The following PIBF1 variants were observed in gnomAD, a reference collection of about 807,000 sequenced individuals.
The protein encoded by PIBF1 is progesterone immunomodulatory binding factor 1.
In PIBF1, 90 loss-of-function variants were observed where a neutral mutation model predicts 112.5. The observed-to-expected ratio is 0.80, with a 90% confidence interval of 0.67 to 0.95. The LOEUF is 0.95. Ranked by LOEUF, PIBF1 falls within the 40% of genes least tolerant of loss-of-function variation. PIBF1 has a pLI of 0.00. For missense variants in PIBF1, 915 were observed against 852.3 expected (o/e 1.07, Z -0.92); for synonymous variants, 301 against 288.6 (o/e 1.04, Z -0.44).
chr13:72,935,066 A>ACCTCTG, intron 14 of PIBF1, among the ~76,000 whole-genome samples: 1 of 151,664 alleles, frequency 6.6e-6, no homozygotes, highest in East Asian at 1.9e-4. Flanking sequence ...GCTCACCACA[A>ACCTCTG]CCTCTGCCTC....
intron 16 of PIBF1, among the ~76,000 whole-genome samples, chr13:72,986,874 G>A (rs996369102): frequency 4.6e-5 from 7 of 151,734 alleles, no homozygotes; most frequent in Admixed American, 2.0e-4. Flanking sequence ...TGTATTTTTA[G>A]TAGAGACAGG....
rs111621676 is a variant in PIBF1 at position 72,842,110 on chromosome 13, T to C, written c.1223+6742T>C. ...GACGTAGAGGGTCTACATGCCATTC[T>C]TTTCTGTCTAAATTTCTGCATAAGA... On this transcript the variant is annotated intron_variant, in intron 9 of 17. Transcript: ENST00000326291. Among the ~76,000 whole-genome samples the C allele has an allele frequency of 7.2e-3, 1,093 of 152,368 alleles. 23 individuals carry two copies. Among genetic ancestry groups the C allele is most frequent in the African/African-American group, 0.025 (1,027 of 41,592 alleles).
intron 6 of PIBF1, among the ~76,000 whole-genome samples, chr13:72,826,783 G>A (rs148933379): frequency 8.5e-4 from 130 of 152,244 alleles, no homozygotes; most frequent in African/African-American, 3.0e-3. Flanking sequence ...TATGTAGTTT[G>A]TATATTCCTT....
At chr13:72,923,865 G>A (rs2041384939) in intron 13 of PIBF1, among the ~76,000 whole-genome samples, 1 of 152,190 alleles carries the variant, frequency 6.6e-6, no homozygotes, top group Non-Finnish European at 1.5e-5. Context: ...TCCAGAGACT[G>A]AGGCAGGAGA....
At chr13:72,835,058 A>G (rs1412022398) in intron 8 of PIBF1, among the ~76,000 whole-genome samples, 185 bp from the exon 9 acceptor site, 3 of 152,174 alleles carry the variant, frequency 2.0e-5, no homozygotes, top group Non-Finnish European at 4.4e-5. Flanking sequence ...TTGAAATCTT[A>G]GATCATACTA....
intron 13 of PIBF1, among the ~76,000 whole-genome samples, chr13:72,930,267 A>G (rs1329384166): frequency 6.6e-6 from 1 of 152,192 alleles, no homozygotes; most frequent in Non-Finnish European, 1.5e-5. Context: ...AAGCACAGTT[A>G]TCTTACTTTT....
At chr13:72,810,224 A>T (rs577918097) in intron 5 of PIBF1, among the ~76,000 whole-genome samples, 1 of 152,144 alleles carries the variant, frequency 6.6e-6, no homozygotes, top group Non-Finnish European at 1.5e-5. Flanking sequence ...ATTTTGGTTG[A>T]TCACATGCAA....
chr13:72,887,045 T>C (rs937754266), intron 10 of PIBF1, among the ~76,000 whole-genome samples: 4 of 151,392 alleles, frequency 2.6e-5, no homozygotes, highest in Non-Finnish European at 5.9e-5. Flanking sequence ...TTTTCTTTTT[T>C]TTTTTTTTTC....
chr13:72,916,306 C>T (rs954147182), intron 12 of PIBF1, among the ~76,000 whole-genome samples: 6 of 151,748 alleles, frequency 4.0e-5, no homozygotes, highest in African/African-American at 9.7e-5. Flanking sequence ...GCAGGAGAAT[C>T]GCTTGAACCT....
chr13:72,801,210 G>C (rs2035454353), intron 5 of PIBF1, among the ~76,000 whole-genome samples: 1 of 152,080 alleles, frequency 6.6e-6, no homozygotes, highest in Non-Finnish European at 1.5e-5. Flanking sequence ...TTGGAAAGAG[G>C]TCTGACATGA....
chr13:72,850,961 A>G (rs756050304), intron 9 of PIBF1, among the ~76,000 whole-genome samples: 3 of 152,206 alleles, frequency 2.0e-5, no homozygotes, highest in South Asian at 2.1e-4. Context: ...ATACTCCAGC[A>G]TTTCTGAAGA....
intron 10 of PIBF1, among the ~76,000 whole-genome samples, chr13:72,871,710 G>A (rs1465017283): frequency 1.3e-5 from 2 of 152,148 alleles, no homozygotes; most frequent in Non-Finnish European, 2.9e-5. Context: ...TGCACCACTT[G>A]TCAGTCTTCT....
At chr13:72,839,639 C>T (rs1046763234) in intron 9 of PIBF1, among the ~76,000 whole-genome samples, 13 of 152,166 alleles carry the variant, frequency 8.5e-5, no homozygotes, top group Admixed American at 7.8e-4. Flanking sequence ...ATGGGAACTT[C>T]CTATGGTTAT....
At chr13:72,884,265 G>A (rs957656618) in intron 10 of PIBF1, among the ~76,000 whole-genome samples, 8 of 152,102 alleles carry the variant, frequency 5.3e-5, no homozygotes, top group Non-Finnish European at 2.9e-5. Context: ...ACCCTGATAG[G>A]CATCATGCCA....
chr13:72,850,769 T>TC (rs147361067), intron 9 of PIBF1, among the ~76,000 whole-genome samples: 1 of 40,698 alleles, frequency 2.5e-5, no homozygotes, highest in Non-Finnish European at 3.9e-5. Context: ...TTTGAGAACT[T>TC]TATCTATAAC....
chr13:72,844,737 A>G (rs2037760510), intron 9 of PIBF1, among the ~76,000 whole-genome samples: 2 of 55,256 alleles, frequency 3.6e-5, no homozygotes, highest in African/African-American at 1.5e-4. Flanking sequence ...TTACACACAC[A>G]CACACACACA....
intron 9 of PIBF1, among the ~76,000 whole-genome samples, chr13:72,844,727 TTA>T (rs1491143555): frequency 1.8e-5 from 1 of 54,222 alleles, no homozygotes; most frequent in Non-Finnish European, 3.4e-5. Context: ...GTAATTTTAT[TTA>T]CACACACACA....
chr13:72,893,083 T>G (rs1264321813), intron 10 of PIBF1, among the ~76,000 whole-genome samples: 1 of 152,184 alleles, frequency 6.6e-6, no homozygotes, highest in East Asian at 1.9e-4. Flanking sequence ...AATAACTCCC[T>G]GAAAAGATAC....
intron 16 of PIBF1, among the ~76,000 whole-genome samples, chr13:72,987,870 T>TTTTATTTTA (rs2043355183): frequency 8.8e-6 from 1 of 113,414 alleles, no homozygotes; most frequent in African/African-American, 3.5e-5. Flanking sequence ...TTTTTTTTTT[T>TTTTATTTTA]TTTTTTTTTT....
Sources: allele counts gnomAD v4.1 joint callset (sites outside exome capture counted in the v4.1 genomes callset), GRCh38; gene constraint gnomAD v4.1.1; transcripts MANE v1.5; gene names NCBI Gene and HGNC (gene_info 2026-07-23, HGNC 2026-07-21).